The following RGPD3 variants were observed in gnomAD, a reference collection of about 807,000 sequenced individuals.
The protein encoded by RGPD3 is ranBP2-like and GRIP domain-containing protein 3.
A neutral mutation model predicts 154.5 loss-of-function variants in RGPD3; 62 were observed. That is an observed-to-expected ratio of 0.40 (90% CI 0.33 to 0.50). RGPD3 has a LOEUF of 0.50. Ranked by LOEUF, RGPD3 falls within the 20% of genes least tolerant of loss-of-function variation. The probability of loss-of-function intolerance (pLI) is 0.59; values close to 1 mark genes in which losing one functional copy is unlikely to be tolerated. For missense variants in RGPD3, 919 were observed against 1,716.8 expected (o/e 0.54, Z 8.21); for synonymous variants, 308 against 607.0 (o/e 0.51, Z 7.24).
chr2:106,450,792 A>C (rs1271523378), intron 6 of RGPD3, among the ~76,000 whole-genome samples: 1 of 123,342 alleles, frequency 8.1e-6, no homozygotes, highest in Non-Finnish European at 1.7e-5. Context: ...GGCAGAGACA[A>C]GAGAATCACT....
At chr2:106,406,823 T>C (rs1431848142) in intron 22 of RGPD3, among the ~76,000 whole-genome samples, 1 of 152,226 alleles carries the variant, frequency 6.6e-6, no homozygotes. Context: ...TACGTATATA[T>C]GTATGACAGT....
chr2:106,451,898 T>C (rs1470300386), intron 6 of RGPD3, among the ~76,000 whole-genome samples: 2 of 151,010 alleles, frequency 1.3e-5, no homozygotes, highest in African/African-American at 2.5e-5. Flanking sequence ...AAATAAAATA[T>C]GAAATAGCAG....
intron 7 of RGPD3, among the ~76,000 whole-genome samples, chr2:106,446,113 G>C (rs1677915332): frequency 9.3e-6 from 1 of 107,294 alleles, no homozygotes; most frequent in South Asian, 3.9e-4. Context: ...ATTTATATTA[G>C]GAGGGGCCTT....
chr2:106,421,448 A>G (rs1003312785), intron 20 of RGPD3, among the ~76,000 whole-genome samples: 2 of 150,686 alleles, frequency 1.3e-5, no homozygotes, highest in African/African-American at 4.9e-5. Flanking sequence ...TGGTATAATT[A>G]AAAAAAAATC....
At chr2:106,412,965 T>C (rs956890532) in intron 22 of RGPD3, 119 bp downstream of exon 22, 11 of 1,327,032 alleles carry the variant, frequency 8.3e-6, no homozygotes, top group African/African-American at 1.5e-5. Context: ...CCTACTCATA[T>C]GACAGACCCA....
rs538928650 is a variant in RGPD3 at position 106,424,697 on chromosome 2, G to C, written c.3270C>G (p.Asn1090Lys). ...GCATTCTTACTTTGCCATTGACCTC[G>C]TTTTTGAGAATTTTTAAGTTCCCCA... ...RGLGNLKILK[N>K]EVNGKVRMLM... Residue 1090 changes from asparagine (N) to lysine (K), a missense_variant, in exon 20 of 23, where the codon AAC becomes AAG. Coordinates refer to ENST00000409886, the MANE Select transcript of RGPD3 (RefSeq NM_001144013.2). 6 of 1,611,802 alleles carry C rather than the reference G, an allele frequency of 3.7e-6. No homozygotes were observed. Among genetic ancestry groups the C allele is most frequent in the Non-Finnish European group, 5.1e-6 (6 of 1,179,850 alleles).
intron 7 of RGPD3, among the ~76,000 whole-genome samples, chr2:106,446,224 C>G (rs1260190145): frequency 8.0e-6 from 1 of 124,448 alleles, no homozygotes; most frequent in Non-Finnish European, 1.7e-5. Flanking sequence ...TTTTGGAAGA[C>G]TGCTTATTTC....
At position 106,459,444 on chromosome 2, in the gene RGPD3, C is replaced by T; in HGVS notation, c.73-112G>A. Reference sequence around the variant, plus strand: ...TATGTTCAAATATGCCATTTTCATTCACTTAAAAGTTTTTTTTAAAGCCTG... The same window carrying T: ...TATGTTCAAATATGCCATTTTCATTTACTTAAAAGTTTTTTTTAAAGCCTG... On this transcript the variant is annotated intron_variant, in intron 1 of 22. Coordinates refer to ENST00000409886, the MANE Select transcript of RGPD3 (RefSeq NM_001144013.2). 12 of 510,108 alleles carry T rather than the reference C, an allele frequency of 2.4e-5. No individual in the cohort carries two copies. In the South Asian group the frequency reaches 2.5e-4, roughly 11 times the overall value. The allele number at this position is 510,108 out of a possible 1,614,324, so 31.6% of individuals were successfully genotyped here. A position where few individuals can be genotyped will look rare whatever the true frequency, so the allele number is the denominator to read the frequency against.
chr2:106,414,910 A>G lies in RGPD3; in HGVS notation c.5064+940T>C, dbSNP rs1373505265. ...AAAAGCATGTACTTTTCAGACAGCT[A>G]TGAGTCTGAATTTTGTTCCACCATT... On this transcript the variant is annotated intron_variant, in intron 21 of 22. Transcript: ENST00000409886. Among the ~76,000 whole-genome samples, 6 of 152,168 alleles carry G rather than the reference A, an allele frequency of 3.9e-5. No individual in the cohort carries two copies. The South Asian group carries it at 1.0e-3, about 26-fold the overall frequency.
At chr2:106,426,836 C>T (rs1484745548) in intron 18 of RGPD3, among the ~76,000 whole-genome samples, 1 of 152,160 alleles carries the variant, frequency 6.6e-6, no homozygotes, top group Admixed American at 6.5e-5. Flanking sequence ...CCAAGAGGTT[C>T]CAAACAATTG....
chr2:106,462,157 A>C (rs1678424209), intron 1 of RGPD3, among the ~76,000 whole-genome samples: 2 of 152,192 alleles, frequency 1.3e-5, no homozygotes, highest in African/African-American at 4.8e-5. Flanking sequence ...CTGGGATTAC[A>C]GGCGTCAGCC....
intron 1 of RGPD3, among the ~76,000 whole-genome samples, chr2:106,462,530 A>C (rs1047657234): frequency 3.3e-5 from 5 of 151,438 alleles, no homozygotes; most frequent in Non-Finnish European, 5.9e-5. Flanking sequence ...TAAGCTGCCA[A>C]ATATCAAGAA....
In RGPD3 at chr2:106,447,611, A is replaced by T. The variant is rs1432572673; in HGVS notation, c.785T>A (p.Phe262Tyr). Residue 262 changes from phenylalanine (F) to tyrosine (Y), a missense_variant and splice_region_variant, in exon 7 of 23, where the codon TTT becomes TAT. Transcript: ENST00000409886. ...TTTCGCAGACTGAAGAGCACTATCA[A>T]AACTGTAATATGAAAATATCAAACA... ...VQESRELLESFDSALQSAKSS... is the reference protein window; with the variant it reads ...VQESRELLESYDSALQSAKSS... 2.0e-5 allele frequency: 3 copies of T among 153,398 alleles called. No individual in the cohort carries two copies. Among genetic ancestry groups the T allele is most frequent in the South Asian group, 6.0e-5 (1 of 16,698 alleles). The allele number at this position is 153,398 out of a possible 1,614,324, so 9.5% of individuals were successfully genotyped here.
chr2:106,470,299 G>A (rs949194226), upstream of RGPD3, among the ~76,000 whole-genome samples: 4 of 152,316 alleles, frequency 2.6e-5, no homozygotes, highest in South Asian at 2.1e-4. Flanking sequence ...AAAATGTTCC[G>A]CATTATCTAG....
chr2:106,468,176 C>A (rs371985971), intron 1 of RGPD3, 41 bp downstream of exon 1: 3 of 1,566,140 alleles, frequency 1.9e-6, no homozygotes, highest in Non-Finnish European at 2.6e-6. Flanking sequence ...GGCCGCCGCC[C>A]GGCCAGGTCG....
chr2:106,444,780 G>C (rs1465862065), intron 7 of RGPD3, among the ~76,000 whole-genome samples: 1 of 150,684 alleles, frequency 6.6e-6, no homozygotes, highest in Non-Finnish European at 1.5e-5. Flanking sequence ...AGTGAGCTAT[G>C]ATCATGCCAC....
intron 7 of RGPD3, among the ~76,000 whole-genome samples, chr2:106,445,237 C>A (rs1469257771): frequency 7.6e-5 from 11 of 145,480 alleles, no homozygotes; most frequent in Admixed American, 4.8e-4. Context: ...TGCAGTGAGC[C>A]GAGGTCGTGC....
upstream of RGPD3, chr2:106,470,883 T>G: frequency 6.3e-7 from 1 of 1,596,906 alleles, no homozygotes; most frequent in Non-Finnish European, 8.5e-7. Flanking sequence ...AGGCATTGTG[T>G]TGGACATCGT....
rs772813472 is a variant in RGPD3 at position 106,412,293 on chromosome 2, G to GTTTT, written c.5266+787_5266+790dup. 8.9e-5 allele frequency among the ~76,000 whole-genome samples: 4 copies of GTTTT among 45,006 alleles called. 2 individuals carry two copies. The highest frequency in any genetic ancestry group is 1.6e-4 in the African/African-American group (2 of 12,336). The allele number at this position is 45,006 out of a possible 152,430, so 29.5% of individuals were successfully genotyped here. On this transcript the variant is annotated intron_variant, in intron 22 of 22. Coordinates refer to ENST00000409886, the MANE Select transcript of RGPD3 (RefSeq NM_001144013.2). ...GGAAACCAACTCTAACTACATCATAGTTTTTTTTTTTTTTTTTTTTTTTTT... is the reference window on the plus strand; with the variant it reads ...GGAAACCAACTCTAACTACATCATAGTTTTTTTTTTTTTTTTTTTTTTTTTTTTT...
Sources: allele counts gnomAD v4.1 joint callset (sites outside exome capture counted in the v4.1 genomes callset), GRCh38; gene constraint gnomAD v4.1.1; transcripts MANE v1.5; gene names NCBI Gene and HGNC (gene_info 2026-07-23, HGNC 2026-07-21).